Variants in UNC13C observed in about 807,000 individuals in gnomAD.
The protein encoded by UNC13C is protein unc-13 homolog C.
In UNC13C, 174 loss-of-function variants were observed where a neutral mutation model predicts 245.4. The ratio of observed to expected loss-of-function variants is 0.71; its 90% confidence interval spans 0.63 to 0.80. UNC13C has a LOEUF of 0.80. Ranked by LOEUF, UNC13C falls within the 30% of genes least tolerant of loss-of-function variation. The pLI, the probability that UNC13C is intolerant of heterozygous loss-of-function variation, is 0.00. For missense variants in UNC13C, 2,829 were observed against 2,602.9 expected (o/e 1.09, Z -1.89); for synonymous variants, 992 against 895.1 (o/e 1.11, Z -1.93).
intron 4 of UNC13C, among the ~76,000 whole-genome samples, chr15:54,207,362 C>A (rs2034748935): frequency 2.0e-5 from 3 of 151,952 alleles, no homozygotes; most frequent in Admixed American, 2.0e-4. Flanking sequence ...TTATAATTTT[C>A]TTATTTTCTT....
intron 4 of UNC13C, among the ~76,000 whole-genome samples, chr15:54,208,670 G>A (rs911904517): frequency 2.6e-5 from 4 of 152,070 alleles, no homozygotes; most frequent in Non-Finnish European, 4.4e-5. Flanking sequence ...AAAGGGAATT[G>A]GAAGTGCTGA....
intron 19 of UNC13C, among the ~76,000 whole-genome samples, chr15:54,438,765 A>G (rs956929995): frequency 2.0e-5 from 3 of 151,556 alleles, no homozygotes; most frequent in South Asian, 4.2e-4. Flanking sequence ...CTCTCCTCAA[A>G]CCTGTTCTTT....
intron 30 of UNC13C, among the ~76,000 whole-genome samples, chr15:54,585,751 T>G (rs1250516257): frequency 3.3e-5 from 5 of 152,000 alleles, no homozygotes; most frequent in Admixed American, 3.3e-4. Flanking sequence ...AGCTAAGAAA[T>G]TGCAAAGACA....
intron 4 of UNC13C, among the ~76,000 whole-genome samples, chr15:54,184,895 G>A (rs912005337): frequency 6.6e-6 from 1 of 152,118 alleles, no homozygotes; most frequent in African/African-American, 2.4e-5. Flanking sequence ...TGGTGTAAAA[G>A]TGTTCCTATT....
intron 29 of UNC13C, among the ~76,000 whole-genome samples, chr15:54,560,967 A>C (rs1354863704): frequency 6.6e-6 from 1 of 151,936 alleles, no homozygotes; most frequent in East Asian, 1.9e-4. Flanking sequence ...TTCTCTTTCT[A>C]CTCTTAAGCC....
At chr15:53,937,453 A>G in the UNC13C span, among the ~76,000 whole-genome samples, 3 of 152,320 alleles carry the variant, frequency 2.0e-5, no homozygotes, top group African/African-American at 7.2e-5. Context: ...CAAGTTACAA[A>G]TCATACTTTA....
chr15:54,075,295 C>T (rs554184267), intron 2 of UNC13C, among the ~76,000 whole-genome samples: 2 of 152,048 alleles, frequency 1.3e-5, no homozygotes, highest in South Asian at 2.1e-4. Context: ...ACCACCCTGG[C>T]TAACACGGCG....
intron 10 of UNC13C, among the ~76,000 whole-genome samples, chr15:54,292,691 T>C (rs1409866391): frequency 3.3e-5 from 5 of 151,734 alleles, no homozygotes; most frequent in Non-Finnish European, 7.4e-5. Context: ...TCAATTATAT[T>C]GAAACACAGT....
At chr15:54,106,807 G>A (rs779863025) in intron 2 of UNC13C, among the ~76,000 whole-genome samples, 22 of 152,306 alleles carry the variant, frequency 1.4e-4, no homozygotes, top group Middle Eastern at 3.4e-3. Flanking sequence ...AGACAATAGT[G>A]AACACTGAAT....
intron 10 of UNC13C, among the ~76,000 whole-genome samples, chr15:54,272,495 T>C (rs2036712219): frequency 6.6e-6 from 1 of 152,238 alleles, no homozygotes; most frequent in Admixed American, 6.5e-5. Flanking sequence ...ATTTCCTCAG[T>C]TGTCTGAGCC....
At chr15:54,574,334 G>T (rs1897873659) in intron 30 of UNC13C, among the ~76,000 whole-genome samples, 2 of 151,976 alleles carry the variant, frequency 1.3e-5, no homozygotes, top group Admixed American at 6.6e-5. Context: ...TTTTTCTCAA[G>T]AATGCATTAC....
intron 30 of UNC13C, among the ~76,000 whole-genome samples, chr15:54,594,438 T>C (rs1395890666): frequency 3.3e-5 from 5 of 151,940 alleles, no homozygotes. Flanking sequence ...TAGGGAAGGA[T>C]CATCAGGTGG....
At chr15:54,499,458 C>G (rs1302760779) in intron 20 of UNC13C, among the ~76,000 whole-genome samples, 1 of 152,032 alleles carries the variant, frequency 6.6e-6, no homozygotes, top group Non-Finnish European at 1.5e-5. Flanking sequence ...ATAAAATAGT[C>G]CAGAGGCCAA....
chr15:53,934,476 C>G, the UNC13C span, among the ~76,000 whole-genome samples: 1 of 151,900 alleles, frequency 6.6e-6, no homozygotes, highest in African/African-American at 2.4e-5. Context: ...GTGAATAAAT[C>G]TATGTTTATC....
chr15:53,885,136 C>T, the UNC13C span, among the ~76,000 whole-genome samples: 1 of 152,190 alleles, frequency 6.6e-6, no homozygotes, highest in Non-Finnish European at 1.5e-5. Flanking sequence ...GTGGATACCC[C>T]CAAAGTAGGG....
chr15:53,850,166 G>A, the UNC13C span, among the ~76,000 whole-genome samples: 1 of 151,938 alleles, frequency 6.6e-6, no homozygotes, highest in Non-Finnish European at 1.5e-5. Flanking sequence ...CTCTAATCCT[G>A]ACACTTTGGG....
At chr15:53,940,820 A>G in the UNC13C span, among the ~76,000 whole-genome samples, 1 of 152,244 alleles carries the variant, frequency 6.6e-6, no homozygotes, top group East Asian at 1.9e-4. Context: ...ATCAGGACAC[A>G]AAGAAATGGA....
intron 17 of UNC13C, among the ~76,000 whole-genome samples, chr15:54,391,746 A>T (rs1275251557): frequency 1.3e-5 from 2 of 152,138 alleles, no homozygotes; most frequent in Non-Finnish European, 2.9e-5. Context: ...TCTTGGATGT[A>T]TCCTAGGGAA....
chr15:54,297,986 A>G (rs1382090309), intron 12 of UNC13C, 60 bp downstream of exon 12: 3 of 1,166,796 alleles, frequency 2.6e-6, no homozygotes, highest in African/African-American at 1.6e-5. Context: ...TATGGATTAT[A>G]AAACAGAATA....
Sources: gnomAD v4.1 joint callset for allele counts (sites outside exome capture counted in the v4.1 genomes callset) on GRCh38, gnomAD v4.1.1 for gene constraint, MANE v1.5 for transcripts, NCBI Gene and HGNC (gene_info 2026-07-23, HGNC 2026-07-21) for gene names.